HMGCLL1: variants seen among roughly 807,000 people sequenced by gnomAD.
HMGCLL1 encodes 3-hydroxymethyl-3-methylglutaryl-CoA lyase, cytoplasmic.
A neutral mutation model predicts 39.1 loss-of-function variants in HMGCLL1; 36 were observed. The observed-to-expected ratio is 0.92, with a 90% CI of 0.71 to 1.22. HMGCLL1 has a LOEUF of 1.22. Ranked by LOEUF, HMGCLL1 falls within the 50% of genes most tolerant of loss-of-function variation. HMGCLL1 has a pLI of 0.00. For missense variants in HMGCLL1, 451 were observed against 416.5 expected (o/e 1.08, Z -0.72); for synonymous variants, 149 against 144.0 (o/e 1.03, Z -0.25).
chr6:55,438,768 T>A (rs1383846220), intron 8 of HMGCLL1, among the ~76,000 whole-genome samples: 1 of 152,084 alleles, frequency 6.6e-6, no homozygotes, highest in African/African-American at 2.4e-5. Context: ...TTATTTTACA[T>A]CTCAGAAATT....
chr6:55,511,563 C>G (rs1767461695), intron 5 of HMGCLL1, among the ~76,000 whole-genome samples: 1 of 151,958 alleles, frequency 6.6e-6, no homozygotes, highest in Admixed American at 6.6e-5. Context: ...AAGCTGACAA[C>G]TGACGACATA....
the HMGCLL1 span, among the ~76,000 whole-genome samples, chr6:55,674,486 A>G: frequency 2.6e-5 from 4 of 152,098 alleles, no homozygotes; most frequent in Non-Finnish European, 5.9e-5. Context: ...TATGCAATGC[A>G]AAAGCACTAA....
the HMGCLL1 span, among the ~76,000 whole-genome samples, chr6:55,631,279 G>A: frequency 6.6e-6 from 1 of 151,732 alleles, no homozygotes; most frequent in Non-Finnish European, 1.5e-5. Context: ...AAATTTTTAG[G>A]CGTTCCTCAT....
intron 7 of HMGCLL1, among the ~76,000 whole-genome samples, chr6:55,476,023 C>T (rs944426614): frequency 3.3e-5 from 5 of 151,652 alleles, no homozygotes; most frequent in African/African-American, 4.8e-5. Context: ...ATAAGTTCTT[C>T]AGATTTGAAA....
chr6:55,603,266 G>A, the HMGCLL1 span, among the ~76,000 whole-genome samples: 1 of 151,846 alleles, frequency 6.6e-6, no homozygotes, highest in Non-Finnish European at 1.5e-5. Context: ...TTTCCTTATA[G>A]CAGGTTGACA....
At chr6:55,454,759 T>C (rs1389001104) in intron 7 of HMGCLL1, among the ~76,000 whole-genome samples, 1 of 152,054 alleles carries the variant, frequency 6.6e-6, no homozygotes, top group Non-Finnish European at 1.5e-5. Context: ...AGCTCACTCA[T>C]AGGAGGAAGG....
the HMGCLL1 span, among the ~76,000 whole-genome samples, chr6:55,614,171 T>A: frequency 1.3e-5 from 2 of 152,244 alleles, no homozygotes; most frequent in African/African-American, 4.8e-5. Context: ...GACCATAGGA[T>A]GTGGACTGAA....
the HMGCLL1 span, among the ~76,000 whole-genome samples, chr6:55,664,334 T>C: frequency 6.6e-6 from 1 of 151,784 alleles, no homozygotes; most frequent in East Asian, 1.9e-4. Context: ...TAGTGCTCTT[T>C]GCAAGATCAC....
the HMGCLL1 span, among the ~76,000 whole-genome samples, chr6:55,656,767 A>G: frequency 2.6e-5 from 4 of 152,050 alleles, no homozygotes; most frequent in Non-Finnish European, 5.9e-5. Flanking sequence ...GTTTCTGAAC[A>G]TAGTAATAAC....
chr6:55,455,380 C>T (rs1764279935), intron 7 of HMGCLL1, among the ~76,000 whole-genome samples: 1 of 151,644 alleles, frequency 6.6e-6, no homozygotes, highest in African/African-American at 2.4e-5. Context: ...TTTTTTCTGC[C>T]ACTAGAAATA....
chr6:55,592,975 C>A, the HMGCLL1 span, among the ~76,000 whole-genome samples: 2 of 152,068 alleles, frequency 1.3e-5, no homozygotes, highest in African/African-American at 4.8e-5. Flanking sequence ...AAAGTGAAAT[C>A]TATAAAAAGC....
chr6:55,620,928 A>G, the HMGCLL1 span, among the ~76,000 whole-genome samples: 1 of 151,844 alleles, frequency 6.6e-6, no homozygotes, highest in African/African-American at 2.4e-5. Flanking sequence ...AAATGAATTC[A>G]CTATAGATGT....
chr6:55,471,067 A>G (rs1475247957), intron 7 of HMGCLL1, among the ~76,000 whole-genome samples: 1 of 150,520 alleles, frequency 6.6e-6, no homozygotes, highest in Non-Finnish European at 1.5e-5. Flanking sequence ...CCTTCATCGA[A>G]TGACCCCTCT....
chr6:55,604,324 G>A, the HMGCLL1 span, among the ~76,000 whole-genome samples: 1 of 152,040 alleles, frequency 6.6e-6, no homozygotes, highest in African/African-American at 2.4e-5. Flanking sequence ...AACTTCCATA[G>A]TTATTTTGAA....
intron 1 of HMGCLL1, 24 bp downstream of exon 1, chr6:55,578,924 A>G: frequency 6.4e-7 from 1 of 1,554,726 alleles, no homozygotes; most frequent in East Asian, 2.3e-5. Context: ...GAGGGTGGGG[A>G]CACCCTGGGC....
At chr6:55,601,847 A>G in the HMGCLL1 span, among the ~76,000 whole-genome samples, 38 of 152,240 alleles carry the variant, frequency 2.5e-4, no homozygotes, top group African/African-American at 8.9e-4. Flanking sequence ...CAACCCCAAT[A>G]TTTCAAACAT....
chr6:55,564,933 C>A (rs375724276), intron 1 of HMGCLL1, among the ~76,000 whole-genome samples: 4 of 151,888 alleles, frequency 2.6e-5, no homozygotes. Context: ...TCCACCTCAG[C>A]CTGTGAATGT....
the HMGCLL1 span, among the ~76,000 whole-genome samples, chr6:55,644,459 A>G: frequency 6.6e-6 from 1 of 151,966 alleles, no homozygotes; most frequent in Non-Finnish European, 1.5e-5. Flanking sequence ...TTATTATTCA[A>G]GAAATTTTTG....
intron 8 of HMGCLL1, among the ~76,000 whole-genome samples, chr6:55,437,250 T>C (rs974055426): frequency 6.6e-6 from 1 of 151,986 alleles, no homozygotes; most frequent in African/African-American, 2.4e-5. Flanking sequence ...TATACTATGA[T>C]AGATTCTGGA....
Sources: gnomAD v4.1 joint callset for allele counts (sites outside exome capture counted in the v4.1 genomes callset) on GRCh38, gnomAD v4.1.1 for gene constraint, MANE v1.5 for transcripts, NCBI Gene and HGNC (gene_info 2026-07-23, HGNC 2026-07-21) for gene names.